Variants in TBC1D22A observed in about 807,000 individuals in gnomAD.
TBC1D22A encodes putative GTPase activator.
TBC1D22A carries 38 observed loss-of-function variants against 60.2 expected under a neutral mutation model. The observed-to-expected ratio is 0.63, with a 90% CI of 0.49 to 0.83. TBC1D22A has a LOEUF of 0.83. Among genes scored for constraint, TBC1D22A ranks in the 40% least tolerant of loss-of-function variants. The pLI, the probability that TBC1D22A is intolerant of heterozygous loss-of-function variation, is 0.00. For missense variants in TBC1D22A, 628 were observed against 701.0 expected (o/e 0.90, Z 1.18); for synonymous variants, 302 against 281.7 (o/e 1.07, Z -0.72).
At chr22:46,774,677 C>T (rs1032854130) in intron 1 of TBC1D22A, among the ~76,000 whole-genome samples, 1 of 152,196 alleles carries the variant, frequency 6.6e-6, no homozygotes, top group African/African-American at 2.4e-5. Flanking sequence ...AGGCCCCGAG[C>T]TCCTAGGGGA....
At chr22:46,924,498 T>C (rs1450622175) in intron 8 of TBC1D22A, among the ~76,000 whole-genome samples, 1 of 152,210 alleles carries the variant, frequency 6.6e-6, no homozygotes, top group Admixed American at 6.5e-5. Context: ...GGCTCACGCT[T>C]ATAATCCCAG....
chr22:47,004,224 C>G (rs1290865099), intron 10 of TBC1D22A, among the ~76,000 whole-genome samples: 1 of 146,288 alleles, frequency 6.8e-6, no homozygotes, highest in Admixed American at 6.7e-5. Flanking sequence ...CCTACACACA[C>G]CCCTATATAC....
chr22:46,776,806 G>A (rs1180599354), intron 1 of TBC1D22A, among the ~76,000 whole-genome samples: 1 of 152,086 alleles, frequency 6.6e-6, no homozygotes, highest in Admixed American at 6.6e-5. Flanking sequence ...GAGCCCTCCC[G>A]AGAGGGGATG....
chr22:46,824,871 G>A (rs1240057521), intron 4 of TBC1D22A, among the ~76,000 whole-genome samples: 1 of 152,040 alleles, frequency 6.6e-6, no homozygotes, highest in East Asian at 1.9e-4. Flanking sequence ...ATTTGGCTTG[G>A]GACATGTAAA....
chr22:47,090,780 G>T, intron 11 of TBC1D22A, among the ~76,000 whole-genome samples: 1 of 144,572 alleles, frequency 6.9e-6, no homozygotes, highest in South Asian at 2.3e-4. Flanking sequence ...ACGAGAAATC[G>T]TCTTTGGTGG....
At chr22:47,079,285 C>T (rs1313732455) in intron 11 of TBC1D22A, among the ~76,000 whole-genome samples, 1 of 152,066 alleles carries the variant, frequency 6.6e-6, no homozygotes, top group Non-Finnish European at 1.5e-5. Flanking sequence ...TGGGGTTTCA[C>T]CATATTGGCC....
intron 9 of TBC1D22A, among the ~76,000 whole-genome samples, chr22:46,982,590 T>C (rs2074557473): frequency 6.6e-6 from 1 of 152,180 alleles, no homozygotes; most frequent in Admixed American, 6.5e-5. Flanking sequence ...CATTTCCAGA[T>C]GTGCTGGTCT....
intron 11 of TBC1D22A, among the ~76,000 whole-genome samples, chr22:47,067,570 C>CAAAGATGCCTGCTCA (rs1009344081): frequency 6.6e-6 from 1 of 152,154 alleles, no homozygotes; most frequent in African/African-American, 2.4e-5. Flanking sequence ...GCGCCGGCTC[C>CAAAGATGCCTGCTCA]AAAGATGCCT....
intron 12 of TBC1D22A, among the ~76,000 whole-genome samples, chr22:47,149,617 C>T (rs1964773746): frequency 6.6e-6 from 1 of 152,220 alleles, no homozygotes; most frequent in African/African-American, 2.4e-5. Context: ...CAGCCCTGCC[C>T]CGGGAGCTCA....
intron 11 of TBC1D22A, among the ~76,000 whole-genome samples, chr22:47,098,665 G>A (rs951533665): frequency 4.6e-5 from 7 of 152,168 alleles, no homozygotes; most frequent in Non-Finnish European, 7.4e-5. Flanking sequence ...GCATCCCCCC[G>A]ACTCCATGTG....
At chr22:46,971,992 C>G (rs1602733033) in intron 8 of TBC1D22A, among the ~76,000 whole-genome samples, 1 of 152,232 alleles carries the variant, frequency 6.6e-6, no homozygotes, top group Admixed American at 6.5e-5. Flanking sequence ...GCACACCCGG[C>G]TGGGAGGAGG....
intron 10 of TBC1D22A, among the ~76,000 whole-genome samples, chr22:47,018,940 C>T (rs777582695): frequency 1.3e-5 from 2 of 150,676 alleles, no homozygotes; most frequent in Non-Finnish European, 3.0e-5. Context: ...CTTAGCCAGA[C>T]GTTCCTGTCA....
chr22:47,160,897 GC>G (rs537386206), intron 12 of TBC1D22A, among the ~76,000 whole-genome samples: 203 of 152,268 alleles, frequency 1.3e-3, no homozygotes, highest in African/African-American at 4.8e-3. Flanking sequence ...AGCCCAGCAA[GC>G]CCCAGGAACC....
chr22:47,006,277 T>G (rs2061590147), intron 10 of TBC1D22A, among the ~76,000 whole-genome samples: 2 of 152,244 alleles, frequency 1.3e-5, no homozygotes, highest in Non-Finnish European at 2.9e-5. Flanking sequence ...CTCATTTGAC[T>G]TTTCACAGTG....
At chr22:47,037,770 A>G (rs912322553) in intron 11 of TBC1D22A, among the ~76,000 whole-genome samples, 2 of 152,170 alleles carry the variant, frequency 1.3e-5, no homozygotes, top group African/African-American at 2.4e-5. Context: ...AGCAGCCTTG[A>G]GCTCTCTGGG....
intron 4 of TBC1D22A, among the ~76,000 whole-genome samples, chr22:46,806,459 T>C (rs1331897086): frequency 2.0e-5 from 3 of 150,838 alleles, no homozygotes; most frequent in Non-Finnish European, 4.4e-5. Context: ...TGTTTTAAGA[T>C]GGTTTAAATT....
At chr22:46,858,684 G>A (rs118100157) in intron 4 of TBC1D22A, among the ~76,000 whole-genome samples, 2,508 of 152,298 alleles carry the variant, frequency 0.016, 23 homozygotes, top group Middle Eastern at 0.037. Context: ...ATACGCTGGC[G>A]GGTGTGCTTC....
rs553321848 is a variant in TBC1D22A at position 46,990,358 on chromosome 22, C to T, written c.1126-7276C>T. ...TTAATGGAGTTTGGTTTTTTTAGAG[C>T]AGTTTTAGCTTTCCAGAAAAATTGA... is the stretch of plus-strand genomic sequence containing the variant. On this transcript the variant is annotated intron_variant, in intron 9 of 12. Transcript: ENST00000337137. The surrounding 1 kb of genome is among the most constrained non-coding windows in gnomAD (Gnocchi z 4.6). Among the ~76,000 whole-genome samples the T allele has an allele frequency of 2.6e-3, 398 of 151,908 alleles. 2 individuals carry two copies. Among genetic ancestry groups the T allele is most frequent in the African/African-American group, 9.1e-3 (377 of 41,406 alleles).
intron 12 of TBC1D22A, among the ~76,000 whole-genome samples, chr22:47,142,855 CCCAT>C (rs1287010187): frequency 1.4e-5 from 2 of 139,528 alleles, no homozygotes; most frequent in South Asian, 2.4e-4. Context: ...CATTCATCCA[CCCAT>C]CCATCCATCC....
Sources: allele counts gnomAD v4.1 joint callset (sites outside exome capture counted in the v4.1 genomes callset), GRCh38; gene constraint gnomAD v4.1.1; non-coding constraint Gnocchi (gnomAD v3.1); transcripts MANE v1.5; gene names NCBI Gene and HGNC (gene_info 2026-07-23, HGNC 2026-07-21).